Variants in LDB3 observed in about 807,000 individuals in gnomAD.
The protein encoded by LDB3 is LIM domain-binding protein 3.
Under a neutral mutation model 69.0 loss-of-function variants are expected in LDB3, and 49 were observed. The ratio of observed to expected loss-of-function variants is 0.71; its 90% confidence interval spans 0.56 to 0.90. LDB3 has a LOEUF of 0.90. LDB3 is among the 40% of genes least tolerant of loss of function. The pLI, the probability that LDB3 is intolerant of heterozygous loss-of-function variation, is 0.00. For missense variants in LDB3, 928 were observed against 974.1 expected (o/e 0.95, Z 0.63); for synonymous variants, 387 against 396.2 (o/e 0.98, Z 0.28).
chr10:86,706,909 C>A (rs1460673766), intron 8 of LDB3, among the ~76,000 whole-genome samples, 190 bp downstream of exon 8: 1 of 152,198 alleles, frequency 6.6e-6, no homozygotes, highest in Non-Finnish European at 1.5e-5. Flanking sequence ...GTGTGCACCA[C>A]TGTGGCGGGG....
intron 5 of LDB3, among the ~76,000 whole-genome samples, chr10:86,682,581 A>AC (rs1429360172): frequency 6.6e-6 from 1 of 151,880 alleles, no homozygotes; most frequent in East Asian, 1.9e-4. Flanking sequence ...TTGTTCTCTC[A>AC]CCCTAACTTC....
chr10:86,675,260 G>C (rs1844731914), intron 2 of LDB3, among the ~76,000 whole-genome samples: 1 of 152,250 alleles, frequency 6.6e-6, no homozygotes, highest in South Asian at 2.1e-4. Flanking sequence ...ACCTGGTGGG[G>C]AGGGCTGGTG....
intron 4 of LDB3, 34 bp downstream of exon 4, chr10:86,680,191 G>A: frequency 6.3e-7 from 1 of 1,596,392 alleles, no homozygotes; most frequent in Non-Finnish European, 8.6e-7. Context: ...GGTCCACTCA[G>A]CCCTGGTTCC....
At chr10:86,723,324 T>C (rs1847151293) in intron 12 of LDB3, among the ~76,000 whole-genome samples, 1 of 127,748 alleles carries the variant, frequency 7.8e-6, no homozygotes, top group Non-Finnish European at 1.6e-5. Flanking sequence ...ATAGGATGCA[T>C]GGATAAATGG....
intron 2 of LDB3, among the ~76,000 whole-genome samples, chr10:86,673,580 G>A (rs1844606617): frequency 6.6e-6 from 1 of 152,156 alleles, no homozygotes; most frequent in Non-Finnish European, 1.5e-5. Context: ...GAAGGTTCCA[G>A]TGAGAGGGTG....
At chr10:86,720,787 C>G (rs1268410620) in intron 12 of LDB3, among the ~76,000 whole-genome samples, 3 of 152,160 alleles carry the variant, frequency 2.0e-5, no homozygotes, top group Non-Finnish European at 2.9e-5. Context: ...ATCATAGCAA[C>G]TCCCCCGAAA....
upstream of LDB3, among the ~76,000 whole-genome samples, chr10:86,667,622 C>T (rs932671691): frequency 1.3e-5 from 2 of 152,340 alleles, no homozygotes; most frequent in East Asian, 1.9e-4. Context: ...GCCATTCCTG[C>T]GCAAAGGGCA....
chr10:86,735,907 G>A lies in LDB3; in HGVS notation c.*2931G>A, dbSNP rs963933380. ...TATAATGTGTTAACTTTTTAACTCA[G>A]TATTCTGGCTTTGGGATTTTTTGTT... is the stretch of plus-strand genomic sequence containing the variant. On this transcript the variant is annotated 3_prime_UTR_variant, in exon 14 of 14. Coordinates refer to ENST00000361373, the MANE Select transcript of LDB3 (RefSeq NM_007078.3). 1.3e-5 allele frequency: 2 copies of A among 151,230 alleles called. No individual in the cohort carries two copies. Among genetic ancestry groups the A allele is most frequent in the Non-Finnish European group, 2.9e-5 (2 of 67,918 alleles). 9.4% of individuals were successfully genotyped at this position (151,230 alleles called of 1,614,324 possible). A position where few individuals can be genotyped will look rare whatever the true frequency, so the allele number is the denominator to read the frequency against.
rs1846160512 is a variant in LDB3, at chr10:86,699,431, C to A, written c.896+6860C>A. The A allele has an allele frequency of 1.2e-6, 2 of 1,611,860 alleles. No individual in the cohort carries two copies. Among genetic ancestry groups the A allele is most frequent in the Non-Finnish European group, 8.5e-7 (1 of 1,179,406 alleles). On this transcript the variant is annotated intron_variant, in intron 7 of 13. Transcript: ENST00000361373. The surrounding 1 kb of genome is among the most constrained non-coding windows in gnomAD (Gnocchi z 4.9). Reference sequence around the variant, plus strand: ...GCTGGACTCCCTCCATCCTTACCCCCACACAGATCTGGCATGTGAGCCCCA... The same window carrying A: ...GCTGGACTCCCTCCATCCTTACCCCAACACAGATCTGGCATGTGAGCCCCA...
chr10:86,706,873 G>A (rs1254803517), intron 8 of LDB3, among the ~76,000 whole-genome samples, 154 bp downstream of exon 8: 1 of 152,182 alleles, frequency 6.6e-6, no homozygotes, highest in Non-Finnish European at 1.5e-5. Context: ...AGAGTGTGAA[G>A]GGGAAACTGA....
chr10:86,732,280 C>T (rs1358679564), intron 13 of LDB3, among the ~76,000 whole-genome samples: 2 of 151,898 alleles, frequency 1.3e-5, no homozygotes, highest in Non-Finnish European at 2.9e-5. Flanking sequence ...CTTGTATTGA[C>T]TCTATTCATG....
chr10:86,719,466 T>C (rs772258369), intron 12 of LDB3, among the ~76,000 whole-genome samples: 21 of 152,328 alleles, frequency 1.4e-4, no homozygotes, highest in South Asian at 4.1e-4. Flanking sequence ...TATTTTGATT[T>C]GGAGACCACA....
Position 86,699,788 on chromosome 10 carries a change from G to A in LDB3, c.897-6743G>A, listed in dbSNP as rs941734783. On this transcript the variant is annotated intron_variant, in intron 7 of 13. Transcript: ENST00000361373. This position sits in a 1 kb window ranked among gnomAD's most constrained non-coding sequence, Gnocchi z 4.9. ...CATCCCCTCCTAGAATGAGTCACCC[G>A]TAGATCAGGGTCTGGGGAAGAGGCT... The A allele has an allele frequency of 3.8e-5, 40 of 1,053,586 alleles. No individual in the cohort carries two copies. Among genetic ancestry groups the A allele is most frequent in the African/African-American group, 6.6e-5 (4 of 60,338 alleles). The allele number at this position is 1,053,586 out of a possible 1,614,324, so 65.3% of individuals were successfully genotyped here.
upstream of LDB3, among the ~76,000 whole-genome samples, chr10:86,667,793 G>A (rs1174557305): frequency 2.0e-5 from 3 of 152,228 alleles, no homozygotes; most frequent in African/African-American, 7.2e-5. Context: ...ATGCCAAGGG[G>A]TGCAGGCAGA....
At chr10:86,670,316 G>A (rs1015825887) in intron 2 of LDB3, among the ~76,000 whole-genome samples, 33 of 152,244 alleles carry the variant, frequency 2.2e-4, no homozygotes, top group South Asian at 6.2e-4. Context: ...GAGCATGTGA[G>A]CCCCAGTGGA....
intron 5 of LDB3, among the ~76,000 whole-genome samples, chr10:86,684,518 T>A (rs1189697564): frequency 1.3e-5 from 2 of 152,280 alleles, no homozygotes; most frequent in Non-Finnish European, 2.9e-5. Flanking sequence ...AGCTCCGTGC[T>A]GGCCCTTTCC....
In LDB3 at chr10:86,681,785, G is replaced by T; in HGVS notation, c.671G>T (p.Gly224Val). Reference sequence around the variant, plus strand: ...ATGAGCCTCCGAGGGAAGGCCTCGGGTGTCGGACTCCCAGGAGGGTAGGTA... The same window carrying T: ...ATGAGCCTCCGAGGGAAGGCCTCGGTTGTCGGACTCCCAGGAGGGTAGGTA... ...YQMSLRGKASGVGLPGGSLPI... is the reference protein window; with the variant it reads ...YQMSLRGKASVVGLPGGSLPI... The change falls in exon 5 of 14, where the codon GGT (glycine) becomes GTT (valine). Residue 224 changes from glycine to valine, a missense_variant. Transcript: ENST00000361373. 1.9e-6 allele frequency: 3 copies of T among 1,597,432 alleles called. No individual in the cohort carries two copies. In the South Asian group the frequency reaches 3.4e-5, roughly 18 times the overall value.
chr10:86,684,599 G>C (rs1238368050), intron 5 of LDB3, among the ~76,000 whole-genome samples: 1 of 152,248 alleles, frequency 6.6e-6, no homozygotes, highest in Non-Finnish European at 1.5e-5. Flanking sequence ...CTGAGGCAGT[G>C]GCGGGCCTGG....
chr10:86,681,756 C>G lies in LDB3; in HGVS notation c.642C>G (p.Tyr214Ter). The G allele has an allele frequency of 6.2e-7, 1 of 1,602,832 alleles. No individual in the cohort carries two copies. The change falls in exon 5 of 14, where the codon TAC becomes TAG. Residue 214 changes from tyrosine (Y) to a stop codon, truncating the protein, a stop_gained. Coordinates refer to ENST00000361373, the MANE Select transcript of LDB3 (RefSeq NM_007078.3). LOFTEE classifies it high-confidence loss of function. ...AETLREMAQM[Y>*]QMSLRGKASG... The stretch of plus-strand genomic sequence containing the variant: ...CCCTGAGGGAGATGGCTCAGATGTA[C>G]CAGATGAGCCTCCGAGGGAAGGCCT...
Sources: allele counts gnomAD v4.1 joint callset (sites outside exome capture counted in the v4.1 genomes callset), GRCh38; gene constraint gnomAD v4.1.1; non-coding constraint Gnocchi (gnomAD v3.1); transcripts MANE v1.5; gene names NCBI Gene and HGNC (gene_info 2026-07-23, HGNC 2026-07-21).